The following CDH4 variants were observed in gnomAD, a reference collection of about 807,000 sequenced individuals.
The protein encoded by CDH4 is cadherin-4.
Under a neutral mutation model 86.0 loss-of-function variants are expected in CDH4, and 33 were observed. The observed-to-expected ratio is 0.38, with a 90% CI of 0.29 to 0.51. The LOEUF is 0.51. Among genes scored for constraint, CDH4 ranks in the 20% least tolerant of loss-of-function variants. CDH4 has a pLI of 0.86. For missense variants in CDH4, 1,114 were observed against 1,307.4 expected (o/e 0.85, Z 2.28); for synonymous variants, 555 against 549.4 (o/e 1.01, Z -0.14).
At chr20:61,720,152 G>A (rs1011866289) in intron 2 of CDH4, among the ~76,000 whole-genome samples, 10 of 152,160 alleles carry the variant, frequency 6.6e-5, no homozygotes, top group Non-Finnish European at 1.5e-4. Flanking sequence ...CCTGCCTTCG[G>A]GTGGAGGGCA....
chr20:61,402,261 A>C (rs1016519938), intron 2 of CDH4, among the ~76,000 whole-genome samples: 1 of 152,198 alleles, frequency 6.6e-6, no homozygotes, highest in Non-Finnish European at 1.5e-5. Flanking sequence ...ACATCCTCCC[A>C]TGTACTTTAA....
At chr20:61,820,895 A>T (rs1980987596) in intron 4 of CDH4, among the ~76,000 whole-genome samples, 1 of 152,232 alleles carries the variant, frequency 6.6e-6, no homozygotes, top group Non-Finnish European at 1.5e-5. Flanking sequence ...GAAATATGAC[A>T]TGCAGGTAGA....
At position 61,934,209 on chromosome 20, in the gene CDH4, T is replaced by TTCA. The variant is rs2055151100; in HGVS notation, c.2537_2539dup (p.Ile846dup). On this transcript the variant is annotated inframe_insertion, in exon 15 of 16. Coordinates refer to ENST00000614565, the MANE Select transcript of CDH4 (RefSeq NM_001794.5). ...GCCGCACCCAGGCGACATCGGTGAC[T>TTCA]TCATCAATGAGGTGTGTGCCTCTCG... The TTCA allele has an allele frequency of 2.6e-6, 4 of 1,564,028 alleles. No individual in the cohort carries two copies. The highest frequency in any genetic ancestry group is 3.5e-6 in the Non-Finnish European group (4 of 1,150,494).
chr20:61,755,047 T>C (rs1432196923), intron 3 of CDH4: 1 of 152,222 alleles, frequency 6.6e-6, no homozygotes, highest in Non-Finnish European at 1.5e-5. Context: ...AGGCGTTTCT[T>C]ACATTACAGC....
chr20:61,410,720 C>T (rs957465899), intron 2 of CDH4, among the ~76,000 whole-genome samples: 1 of 151,736 alleles, frequency 6.6e-6, no homozygotes, highest in African/African-American at 2.4e-5. Flanking sequence ...TCCATTCATC[C>T]ATCCATCATC....
chr20:61,281,980 T>C (rs910055395), intron 2 of CDH4, among the ~76,000 whole-genome samples: 8 of 151,998 alleles, frequency 5.3e-5, no homozygotes, highest in Admixed American at 3.9e-4. Context: ...ACACTGGGGG[T>C]TGGGCCAGTC....
chr20:61,663,599 G>A lies in CDH4; in HGVS notation c.170-79964G>A, dbSNP rs1241124639. Among the ~76,000 whole-genome samples, 1 of 152,136 alleles carries A rather than the reference G, an allele frequency of 6.6e-6. No homozygotes were observed. On this transcript the variant is annotated intron_variant, in intron 2 of 15. Transcript: ENST00000614565. This position sits in a 1 kb window ranked among gnomAD's most constrained non-coding sequence, Gnocchi z 5.0. The stretch of plus-strand genomic sequence containing the variant: ...CAAGTGAGTCGGGAGCTGCTGGGAC[G>A]GCAGGACCGGGTGTGTGTGTCCAAG...
intron 3 of CDH4, among the ~76,000 whole-genome samples, chr20:61,748,803 TAA>T (rs902493121): frequency 5.9e-5 from 9 of 151,652 alleles, no homozygotes; most frequent in African/African-American, 1.5e-4. Context: ...AGAAAATCAC[TAA>T]AAGAGTCATA....
At position 61,750,315 on chromosome 20, in the gene CDH4, C is replaced by T. The variant is rs149978995; in HGVS notation, c.396+6526C>T. On this transcript the variant is annotated intron_variant, in intron 3 of 15. Transcript: ENST00000614565. ...ATGACATCATGACTAATCTCATGGA[C>T]GTCAGAAAGATCATTTGGGGATATT... is the stretch of plus-strand genomic sequence containing the variant. Among the ~76,000 whole-genome samples the T allele has an allele frequency of 1.1e-3, 171 of 152,176 alleles. 1 individual carries two copies. The highest frequency in any genetic ancestry group is 3.7e-3 in the African/African-American group (154 of 41,514).
At chr20:61,646,403 G>A (rs772917113) in intron 2 of CDH4, among the ~76,000 whole-genome samples, 1 of 152,222 alleles carries the variant, frequency 6.6e-6, no homozygotes, top group Non-Finnish European at 1.5e-5. Flanking sequence ...CCCTTCTGAA[G>A]GGACACACAC....
At chr20:61,929,347 A>G (rs1278239572) in intron 12 of CDH4, among the ~76,000 whole-genome samples, 1 of 152,166 alleles carries the variant, frequency 6.6e-6, no homozygotes. Context: ...CATGTTGGCC[A>G]GGCTGGTCGT....
chr20:61,690,797 T>G (rs16985452), intron 2 of CDH4, among the ~76,000 whole-genome samples: 15,757 of 152,084 alleles, frequency 0.1, 1,075 homozygotes, highest in South Asian at 0.2. Context: ...GGCATAGCCT[T>G]CCTGAAGGAG....
chr20:61,560,076 C>G (rs1408828958), intron 2 of CDH4, among the ~76,000 whole-genome samples: 1 of 152,186 alleles, frequency 6.6e-6, no homozygotes, highest in Non-Finnish European at 1.5e-5. Context: ...ATCGACCCTG[C>G]CACTCGAACT....
intron 4 of CDH4, among the ~76,000 whole-genome samples, chr20:61,820,564 G>A (rs77576821): frequency 0.021 from 3,144 of 152,324 alleles, 84 homozygotes; most frequent in East Asian, 0.092. Flanking sequence ...CACTGCACCC[G>A]CTGAGCAGAG....
chr20:61,331,638 C>CCTCCTG (rs1568801140), intron 2 of CDH4, among the ~76,000 whole-genome samples: 1 of 23,212 alleles, frequency 4.3e-5, no homozygotes, highest in African/African-American at 1.7e-4. Context: ...CTGCCCCAGA[C>CCTCCTG]CCACCTCCCG....
At chr20:61,840,840 T>C (rs1982130092) in intron 4 of CDH4, among the ~76,000 whole-genome samples, 1 of 152,234 alleles carries the variant, frequency 6.6e-6, no homozygotes, top group South Asian at 2.1e-4. Context: ...AGCCCGTGGA[T>C]GCACATCACC....
chr20:61,825,760 T>G (rs1338235599), intron 4 of CDH4, among the ~76,000 whole-genome samples: 3 of 152,216 alleles, frequency 2.0e-5, no homozygotes, highest in African/African-American at 7.2e-5. Context: ...AGCTGCCTAC[T>G]TGATTCTCAA....
At chr20:61,747,942 TAA>T (rs11302959) in intron 3 of CDH4, among the ~76,000 whole-genome samples, 4 of 149,424 alleles carry the variant, frequency 2.7e-5, no homozygotes, top group African/African-American at 4.9e-5. Flanking sequence ...GAGAAATATT[TAA>T]AAAAAAAAAC....
At chr20:61,635,689 G>T (rs1383829310) in intron 2 of CDH4, among the ~76,000 whole-genome samples, 1 of 152,186 alleles carries the variant, frequency 6.6e-6, no homozygotes. Context: ...AATTCTGGGG[G>T]TTGGAGTAGG....
Sources: gnomAD v4.1 joint callset for allele counts (sites outside exome capture counted in the v4.1 genomes callset) on GRCh38, gnomAD v4.1.1 for gene constraint, Gnocchi (gnomAD v3.1) non-coding constraint, MANE v1.5 for transcripts, NCBI Gene and HGNC (gene_info 2026-07-23, HGNC 2026-07-21) for gene names.